TMEM164: variants seen among roughly 807,000 people sequenced by gnomAD.
TMEM164 encodes the protein RP13-360B22.2.
TMEM164 carries 4 observed loss-of-function variants against 18.8 expected under a neutral mutation model. The observed-to-expected ratio is 0.21, with a 90% CI of 0.10 to 0.49. The LOEUF (loss-of-function observed/expected upper bound fraction) is 0.49. Among genes scored for constraint, TMEM164 ranks in the 20% least tolerant of loss-of-function variants. The pLI is 0.98. For synonymous variants in TMEM164, 86 were observed against 101.7 expected (o/e 0.85, Z 0.93); for missense variants, 108 against 239.9 (o/e 0.45, Z 3.63).
At chrX:110,069,710 C>T (rs909783398) in intron 3 of TMEM164, among the ~76,000 whole-genome samples, 2 of 109,155 alleles carry the variant, frequency 1.8e-5, no homozygotes, top group Admixed American at 9.8e-5. Context: ...TGAGCCACTG[C>T]GCCCAGCCTA....
chrX:110,167,829 C>T (rs1400047608), intron 5 of TMEM164, among the ~76,000 whole-genome samples: 2 of 111,624 alleles, frequency 1.8e-5, no homozygotes, highest in Non-Finnish European at 3.8e-5. Flanking sequence ...ATGGATGATG[C>T]AGCACAGAAT....
intron 5 of TMEM164, among the ~76,000 whole-genome samples, chrX:110,153,578 G>A (rs1207978428): frequency 9.0e-6 from 1 of 111,365 alleles, no homozygotes; most frequent in Non-Finnish European, 1.9e-5. Context: ...ATGGGGAATT[G>A]GTTCTAGGAC....
chrX:110,059,351 T>C (rs747066669), intron 2 of TMEM164, among the ~76,000 whole-genome samples: 3 of 111,725 alleles, frequency 2.7e-5, no homozygotes, highest in African/African-American at 9.7e-5. Flanking sequence ...CTTAGGTTAG[T>C]ACCACACTGT....
chrX:110,056,559 G>C (rs1239036802), intron 2 of TMEM164, among the ~76,000 whole-genome samples: 6 of 111,794 alleles, frequency 5.4e-5, no homozygotes, highest in Non-Finnish European at 7.5e-5. Context: ...CCAGGTATAG[G>C]AGTGGAATTG....
chrX:110,140,844 G>C (rs1479045548), intron 4 of TMEM164, among the ~76,000 whole-genome samples: 1 of 112,289 alleles, frequency 8.9e-6, no homozygotes, highest in Non-Finnish European at 1.9e-5. Context: ...CTAGTGTGTA[G>C]AAATGAATTA....
chrX:110,054,500 G>T (rs1201419346), intron 2 of TMEM164, among the ~76,000 whole-genome samples: 1 of 112,292 alleles, frequency 8.9e-6, no homozygotes, highest in Non-Finnish European at 1.9e-5. Flanking sequence ...GAACTGAACT[G>T]GAGTGGGGAA....
intron 3 of TMEM164, among the ~76,000 whole-genome samples, chrX:110,106,499 G>T (rs1172166675): frequency 9.2e-6 from 1 of 109,170 alleles, no homozygotes; most frequent in African/African-American, 3.4e-5. Flanking sequence ...TCAGCCTCCT[G>T]AGTAGCTGGG....
chrX:110,099,491 G>A (rs964485720), intron 3 of TMEM164, among the ~76,000 whole-genome samples: 27 of 111,820 alleles, frequency 2.4e-4, no homozygotes, highest in Non-Finnish European at 4.3e-4. Flanking sequence ...TGCTTCAACC[G>A]CATTTACACT....
At chrX:110,017,448 C>CTTTCTTTCTT (rs1569295315) in intron 2 of TMEM164, among the ~76,000 whole-genome samples, 330 of 15,917 alleles carry the variant, frequency 0.021, 8 homozygotes, top group African/African-American at 0.057. Flanking sequence ...CTTTCTTTCT[C>CTTTCTTTCTT]TCTCTCTCTC....
chrX:110,018,724 C>G (rs1933622867), intron 2 of TMEM164, among the ~76,000 whole-genome samples: 1 of 112,140 alleles, frequency 8.9e-6, no homozygotes, highest in African/African-American at 3.2e-5. Flanking sequence ...TGCATGACTA[C>G]ATGTGAAGTG....
At chrX:110,158,833 T>A (rs1259983736) in intron 5 of TMEM164, among the ~76,000 whole-genome samples, 1 of 112,155 alleles carries the variant, frequency 8.9e-6, no homozygotes, top group Non-Finnish European at 1.9e-5. Flanking sequence ...CTACCTGGTT[T>A]CAAATACTGG....
intron 4 of TMEM164, among the ~76,000 whole-genome samples, chrX:110,116,187 C>T (rs2066361262): frequency 8.9e-6 from 1 of 112,276 alleles, no homozygotes; most frequent in Admixed American, 9.5e-5. Flanking sequence ...TTAATATTAG[C>T]ATTCACTGAG....
chrX:110,179,233 C>T (rs986961230), downstream of TMEM164, among the ~76,000 whole-genome samples: 3 of 111,751 alleles, frequency 2.7e-5, no homozygotes, highest in Non-Finnish European at 5.7e-5. Flanking sequence ...CTAAGAAAGA[C>T]GATGACATAG....
At chrX:110,165,778 C>T (rs757887805) in intron 5 of TMEM164, among the ~76,000 whole-genome samples, 10 of 112,001 alleles carry the variant, frequency 8.9e-5, no homozygotes, top group African/African-American at 3.2e-4. Context: ...CTCTCAGTTA[C>T]TGAAGCCATA....
chrX:110,101,529 A>C (rs997604296), intron 3 of TMEM164, among the ~76,000 whole-genome samples: 2 of 108,879 alleles, frequency 1.8e-5, no homozygotes, highest in Non-Finnish European at 3.8e-5. Flanking sequence ...TCTACCTAGA[A>C]GTTTATAAAT....
At chrX:110,043,506 C>G in intron 2 of TMEM164, among the ~76,000 whole-genome samples, 1 of 111,844 alleles carries the variant, frequency 8.9e-6, no homozygotes, top group Admixed American at 9.5e-5. Context: ...ATGTTGACTA[C>G]TATAAACAGA....
chrX:110,089,160 G>T (rs942398856), intron 3 of TMEM164, among the ~76,000 whole-genome samples: 1 of 112,018 alleles, frequency 8.9e-6, no homozygotes, highest in African/African-American at 3.2e-5. Context: ...GTAAGGAAAA[G>T]AAATAAAATA....
intron 5 of TMEM164, among the ~76,000 whole-genome samples, chrX:110,153,097 T>A (rs1327332274): frequency 8.9e-6 from 1 of 111,919 alleles, no homozygotes; most frequent in Non-Finnish European, 1.9e-5. Context: ...CTGCCAGGAA[T>A]GCTCTTCTCC....
chrX:110,173,115 T>A (rs2067252976), intron 6 of TMEM164, 130 bp from the exon 7 acceptor site: 5 of 639,113 alleles, frequency 7.8e-6, no homozygotes, highest in Non-Finnish European at 1.2e-5. Flanking sequence ...AGAAATCCCT[T>A]TATAAACAGG....
Sources: gnomAD v4.1 joint callset for allele counts (sites outside exome capture counted in the v4.1 genomes callset) on GRCh38, gnomAD v4.1.1 for gene constraint, MANE v1.5 for transcripts, NCBI Gene and HGNC (gene_info 2026-07-23, HGNC 2026-07-21) for gene names.